The following CA4 variants were observed in gnomAD, a reference collection of about 807,000 sequenced individuals.
CA4 encodes the protein CA-IV.
CA4 carries 24 observed loss-of-function variants against 34.5 expected under a neutral mutation model. The observed-to-expected ratio is 0.70, with a 90% CI of 0.50 to 0.98. CA4 has a LOEUF of 0.98. CA4 is among the 50% of genes least tolerant of loss of function. The pLI, the probability that CA4 is intolerant of heterozygous loss-of-function variation, is 0.00. For synonymous variants in CA4, 178 were observed against 170.6 expected (o/e 1.04, Z -0.34); for missense variants, 394 against 396.7 (o/e 0.99, Z 0.06).
chr17:60,157,757 ACGAAATTG>A lies in CA4; in HGVS notation c.485_492del (p.Glu162GlyfsTer25). 6.2e-7 allele frequency: 1 copy of A among 1,614,046 alleles called. No homozygotes were observed. Among genetic ancestry groups the A allele is most frequent in the Non-Finnish European group, 8.5e-7 (1 of 1,179,906 alleles). ...GTGAAAGAGGCCCAGGACCCTGAAG[ACGAAATTG>A]CGGTGCTGGCCTTTCTGGTGGAGGT... On this transcript the variant is annotated frameshift_variant, in exon 5 of 8. Transcript: ENST00000300900. LOFTEE classifies it high-confidence loss of function.
In CA4 at chr17:60,168,327, G is replaced by A. The variant is rs548244674; in HGVS notation, c.*179-2224G>A. On this transcript the variant is annotated intron_variant and NMD_transcript_variant, in intron 5 of 5. Coordinates refer to the CA4 transcript ENST00000586876. ...AGGGTGATTTCTTTTTATTTTTTGG[G>A]GGGGAGGTGAAGAAGGGTGATTTCT... 1.8e-4 allele frequency among the ~76,000 whole-genome samples: 16 copies of A among 90,412 alleles called. 1 individual carries two copies. Among genetic ancestry groups the A allele is most frequent in the African/African-American group, 4.5e-4 (10 of 22,156 alleles). 59.3% of individuals were successfully genotyped at this position (90,412 alleles called of 152,430 possible). A position where few individuals can be genotyped will look rare whatever the true frequency, so the allele number is the denominator to read the frequency against.
At chr17:60,157,061 CA>C in intron 3 of CA4, 1 of 517,216 alleles carries the variant, frequency 1.9e-6, no homozygotes, top group Non-Finnish European at 3.5e-6. Context: ...AAGCAAGGCC[CA>C]GGGGCAGCTG....
the CA4 span, among the ~76,000 whole-genome samples, chr17:60,177,981 T>G: frequency 5.9e-5 from 9 of 152,050 alleles, no homozygotes; most frequent in Non-Finnish European, 1.2e-4. Flanking sequence ...AAATGCTACC[T>G]GAAATAAATA....
downstream of CA4, among the ~76,000 whole-genome samples, chr17:60,174,667 T>G (rs1187824866): frequency 6.6e-6 from 1 of 152,210 alleles, no homozygotes; most frequent in Non-Finnish European, 1.5e-5. Context: ...CCTGTATGGA[T>G]CTCTGATCAT....
At chr17:60,177,443 T>C in the CA4 span, among the ~76,000 whole-genome samples, 8 of 152,372 alleles carry the variant, frequency 5.3e-5, no homozygotes, top group East Asian at 1.2e-3. Context: ...ATGTAGTTAA[T>C]AGTTAATTTA....
the CA4 span, among the ~76,000 whole-genome samples, chr17:60,178,640 T>C: frequency 6.6e-6 from 1 of 152,142 alleles, no homozygotes; most frequent in Non-Finnish European, 1.5e-5. Context: ...CACCAATGAC[T>C]GGTTGTGTCT....
intron 1 of CA4, among the ~76,000 whole-genome samples, chr17:60,150,519 A>G (rs994532333): frequency 2.6e-5 from 4 of 151,748 alleles, no homozygotes; most frequent in African/African-American, 9.7e-5. Context: ...CCAAAAATAC[A>G]AACATTAGCC....
downstream of CA4, among the ~76,000 whole-genome samples, chr17:60,175,123 G>A (rs926433401): frequency 5.3e-5 from 8 of 149,640 alleles, no homozygotes; most frequent in Non-Finnish European, 7.4e-5. Context: ...GGGTTCGAGC[G>A]ATCCTCCCAC....
downstream of CA4, chr17:60,159,650 A>G (rs1227126835): frequency 6.6e-6 from 4 of 609,176 alleles, no homozygotes; most frequent in African/African-American, 5.6e-5. Context: ...AGGCCAGGAG[A>G]TTTCTCCCAA....
At chr17:60,175,895 C>T (rs2083962866), downstream of CA4, among the ~76,000 whole-genome samples, 1 of 150,392 alleles carries the variant, frequency 6.6e-6, no homozygotes, top group Non-Finnish European at 1.5e-5. Flanking sequence ...CAGCTCACTG[C>T]AGCCTCTGCC....
chr17:60,172,340 C>T (rs1186777363), downstream of CA4, among the ~76,000 whole-genome samples: 2 of 152,124 alleles, frequency 1.3e-5, no homozygotes, highest in Non-Finnish European at 2.9e-5. Flanking sequence ...CTAGGTTTTC[C>T]CCCTTCTGCC....
the CA4 span, among the ~76,000 whole-genome samples, chr17:60,176,544 C>T: frequency 6.6e-6 from 1 of 152,090 alleles, no homozygotes; most frequent in Non-Finnish European, 1.5e-5. Context: ...TTCTCTTCAC[C>T]TCATCTCCTG....
rs2083734459 is a variant in CA4 at position 60,158,390 on chromosome 17, GA to G, written c.689del (p.Asp230ValfsTer35). ...GGGCTCACTCACCACACCGACCTGCGATGAGAAGGTCGTCTGGACTGTGTTC... is the reference window on the plus strand; with the variant it reads ...GGGCTCACTCACCACACCGACCTGCGTGAGAAGGTCGTCTGGACTGTGTTC... ...YLGSLTTPTC[D>X]EKVVWTVFRE... On this transcript the variant is annotated frameshift_variant, in exon 7 of 8. Transcript: ENST00000300900. LOFTEE classifies it high-confidence loss of function. 6.2e-7 allele frequency: 1 copy of G among 1,614,010 alleles called. No individual in the cohort carries two copies. The highest frequency in any genetic ancestry group is 1.7e-5 in the Admixed American group (1 of 59,994).
chr17:60,166,953 T>C (rs914802602), intron 5 of CA4, among the ~76,000 whole-genome samples: 3 of 151,990 alleles, frequency 2.0e-5, no homozygotes, highest in Non-Finnish European at 2.9e-5. Flanking sequence ...CAGGACTCCA[T>C]CTCAAAAAAC....
chr17:60,163,336 G>C (rs1199355565), downstream of CA4, among the ~76,000 whole-genome samples: 3 of 152,134 alleles, frequency 2.0e-5, no homozygotes, highest in African/African-American at 4.8e-5. Context: ...GTGTGTGTTG[G>C]GGTGGGAAGA....
chr17:60,152,437 AG>A (rs2083608562), intron 1 of CA4, among the ~76,000 whole-genome samples: 1 of 152,228 alleles, frequency 6.6e-6, no homozygotes, highest in Non-Finnish European at 1.5e-5. Flanking sequence ...GCAGGTCAAA[AG>A]TCTCCATGAT....
rs1259939178 is a variant in CA4, at chr17:60,168,359, G to T, written c.*179-2192G>T. On this transcript the variant is annotated intron_variant and NMD_transcript_variant, in intron 5 of 5. Transcript: ENST00000586876. The stretch of plus-strand genomic sequence containing the variant: ...GTGAAGAAGGGTGATTTCTTTTTTT[G>T]GGGGGGGCAGGTGGGGAAGGGTGAT... Among the ~76,000 whole-genome samples the T allele has an allele frequency of 8.9e-5, 4 of 44,698 alleles. 1 individual carries two copies. The highest frequency in any genetic ancestry group is 4.5e-4 in the African/African-American group (4 of 8,828). 29.3% of individuals were successfully genotyped at this position (44,698 alleles called of 152,430 possible). A position where few individuals can be genotyped will look rare whatever the true frequency, so the allele number is the denominator to read the frequency against.
At chr17:60,156,413 T>C (rs928319776) in intron 2 of CA4, 147 bp from the exon 3 acceptor site, 4 of 805,616 alleles carry the variant, frequency 5.0e-6, no homozygotes, top group African/African-American at 1.7e-5. Flanking sequence ...AGTTCGGAGC[T>C]GAGCATCCCT....
chr17:60,177,041 C>A, the CA4 span, among the ~76,000 whole-genome samples: 200 of 152,322 alleles, frequency 1.3e-3, 1 homozygote, highest in African/African-American at 4.5e-3. Context: ...TAACAGGCCA[C>A]AGATGGTACT....
Sources: gnomAD v4.1 joint callset for allele counts (sites outside exome capture counted in the v4.1 genomes callset) on GRCh38, gnomAD v4.1.1 for gene constraint, MANE v1.5 for transcripts, NCBI Gene and HGNC (gene_info 2026-07-23, HGNC 2026-07-21) for gene names.